Variants in CYRIA observed in about 807,000 individuals in gnomAD.
CYRIA encodes the protein CYFIP related Rac1 interactor A.
Under a neutral mutation model 43.9 loss-of-function variants are expected in CYRIA, and 15 were observed. The observed-to-expected ratio is 0.34, with a 90% confidence interval of 0.23 to 0.53. CYRIA has a LOEUF of 0.53. Among genes scored for constraint, CYRIA ranks in the 20% least tolerant of loss-of-function variants. The probability of loss-of-function intolerance (pLI) is 0.94; values close to 1 mark genes in which losing one functional copy is unlikely to be tolerated. For synonymous variants in CYRIA, 117 were observed against 136.0 expected (o/e 0.86, Z 0.97); for missense variants, 236 against 394.2 (o/e 0.60, Z 3.40).
intron 1 of CYRIA, among the ~76,000 whole-genome samples, chr2:16,657,023 T>C (rs1670133121): frequency 6.6e-6 from 1 of 152,182 alleles, no homozygotes; most frequent in South Asian, 2.1e-4. Context: ...TGGCAGAAGT[T>C]ACCAGTACAG....
intron 2 of CYRIA, among the ~76,000 whole-genome samples, chr2:16,612,075 C>A (rs892388582): frequency 6.6e-6 from 1 of 152,142 alleles, no homozygotes; most frequent in Non-Finnish European, 1.5e-5. Context: ...CTCCTGCTTA[C>A]CTGCCTGTCT....
intron 9 of CYRIA, 111 bp downstream of exon 9, chr2:16,560,879 A>C (rs2103410085): frequency 1.1e-6 from 1 of 914,974 alleles, no homozygotes; most frequent in East Asian, 2.4e-5. Context: ...GATAATATAC[A>C]TGAAAACTTT....
intron 3 of CYRIA, among the ~76,000 whole-genome samples, chr2:16,570,199 C>T (rs1667078147): frequency 6.6e-6 from 1 of 152,092 alleles, no homozygotes; most frequent in Admixed American, 6.5e-5. Context: ...GGCTCTGTCA[C>T]CCAGGCTGGA....
At chr2:16,579,610 A>G (rs1168832576) in intron 3 of CYRIA, among the ~76,000 whole-genome samples, 2 of 152,184 alleles carry the variant, frequency 1.3e-5, no homozygotes, top group Admixed American at 6.5e-5. Context: ...TTTCTTTACT[A>G]TGTAAAGAAT....
intron 2 of CYRIA, among the ~76,000 whole-genome samples, chr2:16,611,858 C>T (rs977478091): frequency 1.3e-5 from 2 of 152,128 alleles, no homozygotes; most frequent in East Asian, 3.9e-4. Context: ...TCTGTGAAAG[C>T]CAAGCCATTG....
At chr2:16,557,606 G>A (rs1666571867) in intron 10 of CYRIA, among the ~76,000 whole-genome samples, 1 of 152,092 alleles carries the variant, frequency 6.6e-6, no homozygotes, top group Admixed American at 6.5e-5. Context: ...CTTTCTTAGA[G>A]GTACACGCAA....
chr2:16,649,045 C>T (rs1669894651), intron 1 of CYRIA, among the ~76,000 whole-genome samples: 1 of 151,950 alleles, frequency 6.6e-6, no homozygotes, highest in South Asian at 2.1e-4. Context: ...TGGAATTCAA[C>T]CGACCAGGTT....
Position 16,552,794 on chromosome 2 carries a change from A to G in CYRIA, c.*142T>C. Reference sequence around the variant, plus strand: ...TCTGCTGGGTTGAGTCAGTCAGGATACAAATTAAGGTCCATATATTTCAGT... The same window carrying G: ...TCTGCTGGGTTGAGTCAGTCAGGATGCAAATTAAGGTCCATATATTTCAGT... On this transcript the variant is annotated 3_prime_UTR_variant, in exon 12 of 12. Transcript: ENST00000381323. The G allele has an allele frequency of 1.6e-6, 1 of 615,326 alleles. No individual in the cohort carries two copies. Among genetic ancestry groups the G allele is most frequent in the South Asian group, 2.0e-5 (1 of 50,918 alleles). The allele number at this position is 615,326 out of a possible 1,614,324, so 38.1% of individuals were successfully genotyped here. A position where few individuals can be genotyped will look rare whatever the true frequency, so the allele number is the denominator to read the frequency against.
intron 3 of CYRIA, among the ~76,000 whole-genome samples, chr2:16,583,544 T>C (rs540486383): frequency 1.9e-4 from 29 of 152,228 alleles, no homozygotes; most frequent in Admixed American, 5.9e-4. Flanking sequence ...AATGATCATT[T>C]CAGCCTTGGA....
intron 4 of CYRIA, among the ~76,000 whole-genome samples, chr2:16,565,374 C>T (rs572035846): frequency 1.3e-5 from 2 of 152,154 alleles, no homozygotes; most frequent in African/African-American, 4.8e-5. Context: ...TTAGTTGAGT[C>T]TGGGTTTCAC....
In CYRIA at chr2:16,637,851, G is replaced by A. The variant is rs144070219; in HGVS notation, c.-166-13832C>T. Among the ~76,000 whole-genome samples the A allele has an allele frequency of 6.6e-5, 10 of 152,292 alleles. No homozygotes were observed. The East Asian group carries it at 1.9e-3, about 29-fold the overall frequency. On this transcript the variant is annotated intron_variant, in intron 1 of 11. Transcript: ENST00000381323. ...AGACAAAGGTCCAGAGTGCTCAGGT[G>A]AATTTTCTGACATCACACAGCCAGT...
chr2:16,560,352 C>T (rs951794604), intron 9 of CYRIA, among the ~76,000 whole-genome samples: 2 of 152,040 alleles, frequency 1.3e-5, no homozygotes, highest in African/African-American at 2.4e-5. Context: ...CTTTGGTCTT[C>T]CTAAAGACTC....
intron 9 of CYRIA, among the ~76,000 whole-genome samples, 170 bp from the exon 10 acceptor site, chr2:16,559,756 G>A (rs1185810333): frequency 1.3e-5 from 2 of 152,106 alleles, no homozygotes; most frequent in African/African-American, 2.4e-5. Context: ...AATTCTCCTT[G>A]AATCTATTCA....
intron 1 of CYRIA, among the ~76,000 whole-genome samples, chr2:16,635,286 C>T (rs765406267): frequency 6.6e-6 from 1 of 152,152 alleles, no homozygotes; most frequent in African/African-American, 2.4e-5. Context: ...TTGAGAGATC[C>T]TGATGGGGAG....
At chr2:16,626,034 T>C (rs1669152798) in intron 1 of CYRIA, among the ~76,000 whole-genome samples, 1 of 152,114 alleles carries the variant, frequency 6.6e-6, no homozygotes, top group Non-Finnish European at 1.5e-5. Context: ...TCCATTTTGT[T>C]GACTCCATTT....
At chr2:16,569,125 G>C (rs947179869) in intron 3 of CYRIA, among the ~76,000 whole-genome samples, 1 of 152,164 alleles carries the variant, frequency 6.6e-6, no homozygotes, top group Non-Finnish European at 1.5e-5. Flanking sequence ...CAACAAATCA[G>C]CACTGACATT....
intron 2 of CYRIA, among the ~76,000 whole-genome samples, chr2:16,605,575 C>T (rs1440724487): frequency 6.6e-6 from 1 of 152,180 alleles, no homozygotes; most frequent in Non-Finnish European, 1.5e-5. Flanking sequence ...GGGCAAGGGG[C>T]CCCAGAGACC....
intron 1 of CYRIA, among the ~76,000 whole-genome samples, chr2:16,655,380 A>G (rs972592184): frequency 5.9e-5 from 9 of 152,188 alleles, no homozygotes; most frequent in Non-Finnish European, 1.0e-4. Context: ...CAGGGAGGGG[A>G]GGAGGCTTAC....
At chr2:16,570,771 C>T (rs1344558580) in intron 3 of CYRIA, among the ~76,000 whole-genome samples, 1 of 152,026 alleles carries the variant, frequency 6.6e-6, no homozygotes. Flanking sequence ...ACAAACAGTC[C>T]CCACCACACA....
Sources: gnomAD v4.1 joint callset for allele counts (sites outside exome capture counted in the v4.1 genomes callset) on GRCh38, gnomAD v4.1.1 for gene constraint, MANE v1.5 for transcripts, NCBI Gene and HGNC (gene_info 2026-07-23, HGNC 2026-07-21) for gene names.